Variants in GALNT14 observed in about 807,000 individuals in gnomAD.
GALNT14 encodes the protein polypeptide N-acetylgalactosaminyltransferase 14, also known as UDP-GalNAc:polypeptide N-acetylgalactosaminyltransferase 14.
Under a neutral mutation model 77.5 loss-of-function variants are expected in GALNT14, and 60 were observed. The ratio of observed to expected loss-of-function variants is 0.77; its 90% CI spans 0.63 to 0.96. The LOEUF (loss-of-function observed/expected upper bound fraction) is 0.96, where lower values mean the gene tolerates loss of function less well. Among genes scored for constraint, GALNT14 ranks in the 40% least tolerant of loss-of-function variants. The pLI, the probability that GALNT14 is intolerant of heterozygous loss-of-function variation, is 0.00. For synonymous variants in GALNT14, 280 were observed against 281.7 expected, an observed-to-expected ratio of 0.99 and a Z score of 0.06; for missense variants, 710 against 731.0, an observed-to-expected ratio of 0.97 and a Z score of 0.33.
At chr2:30,952,362 A>G (rs1332644321) in intron 6 of GALNT14, among the ~76,000 whole-genome samples, 1 of 151,780 alleles carries the variant, frequency 6.6e-6, no homozygotes, top group Admixed American at 6.6e-5. Context: ...AACCAACCCA[A>G]ATGTCCAACA....
chr2:31,028,516 T>C (rs1452827256), intron 1 of GALNT14, among the ~76,000 whole-genome samples: 1 of 152,192 alleles, frequency 6.6e-6, no homozygotes, highest in African/African-American at 2.4e-5. Context: ...GCTCCCTCCA[T>C]CTCAGCTAGA....
At chr2:31,087,387 C>T (rs1326935457) in intron 1 of GALNT14, among the ~76,000 whole-genome samples, 2 of 142,994 alleles carry the variant, frequency 1.4e-5, no homozygotes, top group Admixed American at 7.2e-5. Context: ...GAGAAATGCA[C>T]ATTTAGGAGT....
At chr2:30,986,282 T>C (rs1669294473) in intron 2 of GALNT14, among the ~76,000 whole-genome samples, 1 of 152,204 alleles carries the variant, frequency 6.6e-6, no homozygotes, top group African/African-American at 2.4e-5. Context: ...TTCCAGCCCA[T>C]GGCTCACGAG....
At chr2:31,080,670 C>T (rs757881578) in intron 1 of GALNT14, among the ~76,000 whole-genome samples, 9 of 152,184 alleles carry the variant, frequency 5.9e-5, no homozygotes, top group Non-Finnish European at 1.3e-4. Flanking sequence ...GGTTTCTCAT[C>T]CCAGGCTTTG....
intron 1 of GALNT14, among the ~76,000 whole-genome samples, chr2:31,048,836 G>A (rs767328615): frequency 5.3e-5 from 8 of 152,084 alleles, no homozygotes; most frequent in South Asian, 4.2e-4. Context: ...AGTGCCCCAC[G>A]TCCTTGAGAT....
intron 1 of GALNT14, among the ~76,000 whole-genome samples, chr2:31,078,484 C>T (rs189120538): frequency 2.0e-4 from 31 of 152,168 alleles, no homozygotes; most frequent in Non-Finnish European, 3.4e-4. Context: ...TTAAAGCCAA[C>T]TAAGTGGCTT....
chr2:30,989,728 T>C lies in GALNT14; in HGVS notation c.299+3110A>G, dbSNP rs553388573. ...AAATATATATATTAGTATATATATATATTATTTGATCTTTATAAAAACTGA... is the reference window on the plus strand; with the variant it reads ...AAATATATATATTAGTATATATATACATTATTTGATCTTTATAAAAACTGA... On this transcript the variant is annotated intron_variant, in intron 2 of 14. Coordinates refer to ENST00000349752, the MANE Select transcript of GALNT14 (RefSeq NM_024572.4). 5.6e-3 allele frequency among the ~76,000 whole-genome samples: 808 copies of C among 143,796 alleles called. 9 individuals carry two copies. The highest frequency in any genetic ancestry group is 0.04 in the Middle Eastern group (11 of 278). The allele number at this position is 143,796 out of a possible 152,430, so 94.3% of individuals were successfully genotyped here.
At chr2:31,102,159 TCTAACTCA>T (rs1677311905) in intron 1 of GALNT14, among the ~76,000 whole-genome samples, 1 of 134,092 alleles carries the variant, frequency 7.5e-6, no homozygotes, top group South Asian at 2.3e-4. Context: ...TGCTTTGTTT[TCTAACTCA>T]TTAATCTCTT....
At chr2:30,896,106 G>C in the GALNT14 span, among the ~76,000 whole-genome samples, 9 of 152,188 alleles carry the variant, frequency 5.9e-5, no homozygotes, top group African/African-American at 2.2e-4. Flanking sequence ...AAATAAAAGA[G>C]TGAACATAAA....
intron 1 of GALNT14, among the ~76,000 whole-genome samples, chr2:31,136,863 C>T (rs1033763562): frequency 4.0e-4 from 61 of 152,188 alleles, no homozygotes; most frequent in African/African-American, 1.4e-3. Flanking sequence ...ACCTACTATG[C>T]ACCTGGCACA....
chr2:30,977,483 C>T (rs1381833592), intron 2 of GALNT14, among the ~76,000 whole-genome samples: 1 of 152,186 alleles, frequency 6.6e-6, no homozygotes, highest in Non-Finnish European at 1.5e-5. Flanking sequence ...CTTGCTAAAG[C>T]ATAGTATCTC....
intron 2 of GALNT14, among the ~76,000 whole-genome samples, chr2:30,991,846 G>A (rs1669726097): frequency 6.6e-6 from 1 of 152,210 alleles, no homozygotes; most frequent in Non-Finnish European, 1.5e-5. Context: ...AGAACTGCCA[G>A]AGGAATCAGC....
At chr2:31,044,787 C>G (rs975394172) in intron 1 of GALNT14, among the ~76,000 whole-genome samples, 1 of 151,902 alleles carries the variant, frequency 6.6e-6, no homozygotes, top group Non-Finnish European at 1.5e-5. Flanking sequence ...TAGTGGTGCA[C>G]ACCTGTAGTC....
chr2:30,937,756 C>T (rs1270607260), intron 9 of GALNT14, among the ~76,000 whole-genome samples: 1 of 152,140 alleles, frequency 6.6e-6, no homozygotes, highest in Non-Finnish European at 1.5e-5. Flanking sequence ...TGACCCGAAA[C>T]GCATCTGGGA....
chr2:31,004,552 A>C (rs996673859), intron 1 of GALNT14, among the ~76,000 whole-genome samples: 1 of 152,178 alleles, frequency 6.6e-6, no homozygotes, highest in Admixed American at 6.5e-5. Context: ...GACAGAGGGC[A>C]GGTCTGCAAG....
intron 3 of GALNT14, among the ~76,000 whole-genome samples, chr2:30,963,075 T>C (rs111417723): frequency 1.3e-3 from 203 of 152,320 alleles, no homozygotes; most frequent in African/African-American, 4.7e-3. Context: ...GTGTGTGTCA[T>C]ACTTGGGTCT....
chr2:31,099,267 G>A (rs549010897), intron 1 of GALNT14, among the ~76,000 whole-genome samples: 8 of 151,732 alleles, frequency 5.3e-5, no homozygotes, highest in Non-Finnish European at 8.8e-5. Flanking sequence ...TGCATTGCCC[G>A]TTTATATCCT....
chr2:30,999,910 A>G (rs897507422), intron 1 of GALNT14, among the ~76,000 whole-genome samples: 4 of 152,208 alleles, frequency 2.6e-5, no homozygotes, highest in African/African-American at 9.6e-5. Context: ...AAACACTTCC[A>G]GTGTTTCTTT....
chr2:31,037,134 C>T lies in GALNT14; in HGVS notation c.130-44127G>A, dbSNP rs145584233. The stretch of plus-strand genomic sequence containing the variant: ...ATATGTTGGCATGCTTTATGGTGTT[C>T]CATAGGTCTCTGATGTTTTGTCCAT... On this transcript the variant is annotated intron_variant, in intron 1 of 14. Transcript: ENST00000349752. 2.8e-3 allele frequency among the ~76,000 whole-genome samples: 432 copies of T among 152,274 alleles called. 4 individuals are homozygous for T. Among genetic ancestry groups the T allele is most frequent in the Admixed American group, 0.011 (165 of 15,294 alleles).
Sources: gnomAD v4.1 joint callset for allele counts (sites outside exome capture counted in the v4.1 genomes callset) on GRCh38, gnomAD v4.1.1 for gene constraint, MANE v1.5 for transcripts, NCBI Gene and HGNC (gene_info 2026-07-23, HGNC 2026-07-21) for gene names.